The following KCNMA1 variants were observed in gnomAD, a reference collection of about 807,000 sequenced individuals.
KCNMA1 encodes the protein Calcium-activated potassium channel subunit alpha-1.
A neutral mutation model predicts 140.0 loss-of-function variants in KCNMA1; 29 were observed. That is an observed-to-expected ratio of 0.21 (90% CI 0.15 to 0.28). The LOEUF (loss-of-function observed/expected upper bound fraction) is 0.28. KCNMA1 is among the 10% of genes least tolerant of loss of function. The probability of loss-of-function intolerance (pLI) is 1.00; values close to 1 mark genes in which losing one functional copy is unlikely to be tolerated. For synonymous variants in KCNMA1, 612 were observed against 611.9 expected, an observed-to-expected ratio of 1.00 and a Z score of 0.00; for missense variants, 880 against 1,602.2, an observed-to-expected ratio of 0.55 and a Z score of 7.70.
At chr10:77,513,326 C>T (rs2049112141) in intron 1 of KCNMA1, among the ~76,000 whole-genome samples, 1 of 152,162 alleles carries the variant, frequency 6.6e-6, no homozygotes. Context: ...AGGCTTTTCC[C>T]ATCCATCACA....
intron 1 of KCNMA1, among the ~76,000 whole-genome samples, chr10:77,556,729 C>T (rs1336793119): frequency 6.6e-6 from 1 of 152,102 alleles, no homozygotes; most frequent in Admixed American, 6.5e-5. Context: ...AGCATCCCAA[C>T]CAAGTGCCTG....
chr10:77,629,198 A>G (rs977679046), intron 1 of KCNMA1, among the ~76,000 whole-genome samples: 1 of 152,188 alleles, frequency 6.6e-6, no homozygotes, highest in Non-Finnish European at 1.5e-5. Context: ...ATTAGACACA[A>G]TGTCCCAAGA....
intron 19 of KCNMA1, among the ~76,000 whole-genome samples, chr10:76,984,414 T>G (rs1176793075): frequency 6.6e-6 from 1 of 152,100 alleles, no homozygotes; most frequent in Non-Finnish European, 1.5e-5. Flanking sequence ...GGTCTCAAAC[T>G]CCTAACCTCA....
At chr10:77,599,758 A>T (rs539908963) in intron 1 of KCNMA1, among the ~76,000 whole-genome samples, 2 of 152,092 alleles carry the variant, frequency 1.3e-5, no homozygotes, top group Non-Finnish European at 2.9e-5. Flanking sequence ...AAACAAGGGG[A>T]TGCCTCTACC....
chr10:77,491,281 C>T (rs2039736051), intron 1 of KCNMA1, among the ~76,000 whole-genome samples: 1 of 152,052 alleles, frequency 6.6e-6, no homozygotes. Flanking sequence ...GCCCAGGAGA[C>T]CACTGAAGAG....
intron 14 of KCNMA1, among the ~76,000 whole-genome samples, chr10:77,061,207 G>A (rs2095737431): frequency 6.6e-6 from 1 of 151,856 alleles, no homozygotes; most frequent in African/African-American, 2.4e-5. Context: ...TTCTTTCCAG[G>A]AAAGAAAGTT....
intron 1 of KCNMA1, among the ~76,000 whole-genome samples, chr10:77,412,596 G>A (rs1161783897): frequency 6.6e-6 from 1 of 152,204 alleles, no homozygotes; most frequent in Non-Finnish European, 1.5e-5. Context: ...AGACGAGAGG[G>A]GGTGGTGAGT....
At chr10:77,451,904 C>G (rs189430367) in intron 1 of KCNMA1, among the ~76,000 whole-genome samples, 50 of 152,302 alleles carry the variant, frequency 3.3e-4, no homozygotes, top group Non-Finnish European at 5.7e-4. Flanking sequence ...CCACAGGAAA[C>G]TAGGCCTAAC....
intron 12 of KCNMA1, among the ~76,000 whole-genome samples, chr10:77,082,450 C>T (rs2153745906): frequency 6.6e-6 from 1 of 152,232 alleles, no homozygotes; most frequent in South Asian, 2.1e-4. Flanking sequence ...ACACCCATTT[C>T]AAAACTATTA....
At chr10:77,003,519 T>C (rs568864047) in intron 18 of KCNMA1, among the ~76,000 whole-genome samples, 1 of 152,370 alleles carries the variant, frequency 6.6e-6, no homozygotes, top group South Asian at 2.1e-4. Flanking sequence ...TTGTTTTCTC[T>C]TTCTTATTTC....
intron 1 of KCNMA1, among the ~76,000 whole-genome samples, chr10:77,557,951 A>C (rs1238516263): frequency 6.6e-6 from 1 of 152,140 alleles, no homozygotes; most frequent in African/African-American, 2.4e-5. Flanking sequence ...AACATCCCAG[A>C]ATGGAATTAT....
At chr10:77,631,683 T>C (rs1263558129) in intron 1 of KCNMA1, among the ~76,000 whole-genome samples, 7 of 152,196 alleles carry the variant, frequency 4.6e-5, no homozygotes, top group Admixed American at 2.6e-4. Context: ...CACTTACTCC[T>C]GGCTATCAGC....
intron 2 of KCNMA1, among the ~76,000 whole-genome samples, chr10:77,387,556 T>TTTTCTTTTTTTTCTTTTCTCTTTTC (rs780477007): frequency 2.7e-4 from 31 of 113,160 alleles, no homozygotes; most frequent in Middle Eastern, 4.4e-3. Context: ...TTTTCTTTTC[T>TTTTCTTTTTTTTCTTTTCTCTTTTC]TTTTCTTTTC....
intron 5 of KCNMA1, among the ~76,000 whole-genome samples, chr10:77,178,477 C>T (rs566890736): frequency 5.3e-5 from 8 of 152,214 alleles, no homozygotes; most frequent in African/African-American, 9.6e-5. Context: ...GAGGCTGAGG[C>T]GGGTAGATCA....
At chr10:77,507,679 G>C (rs2046654967) in intron 1 of KCNMA1, among the ~76,000 whole-genome samples, 1 of 152,154 alleles carries the variant, frequency 6.6e-6, no homozygotes, top group Non-Finnish European at 1.5e-5. Flanking sequence ...CTGCCTTCCT[G>C]TTTTTCTCTG....
intron 2 of KCNMA1, among the ~76,000 whole-genome samples, chr10:77,362,838 A>G (rs1011098348): frequency 3.3e-5 from 5 of 152,260 alleles, no homozygotes; most frequent in African/African-American, 1.2e-4. Flanking sequence ...CAGAACATTT[A>G]GAAAAGACAT....
At chr10:77,068,211 T>C (rs1448203478) in intron 14 of KCNMA1, among the ~76,000 whole-genome samples, 2 of 152,236 alleles carry the variant, frequency 1.3e-5, no homozygotes, top group Non-Finnish European at 2.9e-5. Flanking sequence ...GAGAATTAAA[T>C]GTGATATTGC....
intron 2 of KCNMA1, among the ~76,000 whole-genome samples, chr10:77,381,529 A>G (rs992630892): frequency 3.3e-5 from 5 of 152,238 alleles, no homozygotes; most frequent in Middle Eastern, 3.4e-3. Flanking sequence ...AGGTATCTCT[A>G]TGGTAGCTTC....
chr10:76,910,201 G>A (rs2049549829), intron 24 of KCNMA1, 105 bp from the exon 25 acceptor site: 1 of 1,278,802 alleles, frequency 7.8e-7, no homozygotes, highest in Non-Finnish European at 1.1e-6. Flanking sequence ...TCATTGAGAA[G>A]GAAACAAAAG....
Sources: gnomAD v4.1 joint callset for allele counts (sites outside exome capture counted in the v4.1 genomes callset) on GRCh38, gnomAD v4.1.1 for gene constraint, MANE v1.5 for transcripts, NCBI Gene and HGNC (gene_info 2026-07-23, HGNC 2026-07-21) for gene names.